PHACTR3: variants seen among roughly 807,000 people sequenced by gnomAD.
PHACTR3 encodes the protein phosphatase and actin regulator 3.
A neutral mutation model predicts 66.8 loss-of-function variants in PHACTR3; 16 were observed. The ratio of observed to expected loss-of-function variants is 0.24; its 90% confidence interval spans 0.16 to 0.36. The LOEUF is 0.36. PHACTR3 is among the 10% of genes least tolerant of loss of function. PHACTR3 has a pLI of 1.00. For synonymous variants in PHACTR3, 323 were observed against 292.1 expected, an observed-to-expected ratio of 1.11 and a Z score of -1.08; for missense variants, 647 against 719.9, an observed-to-expected ratio of 0.90 and a Z score of 1.16.
chr20:59,684,891 C>T (rs1210013702), intron 1 of PHACTR3, among the ~76,000 whole-genome samples: 2 of 152,170 alleles, frequency 1.3e-5, no homozygotes, highest in Non-Finnish European at 2.9e-5. Flanking sequence ...ATTCCATGGC[C>T]CAGCATGTCC....
chr20:59,696,408 C>T (rs1262484544), intron 1 of PHACTR3, among the ~76,000 whole-genome samples: 1 of 152,156 alleles, frequency 6.6e-6, no homozygotes, highest in East Asian at 1.9e-4. Flanking sequence ...AGAGTGGGGC[C>T]ATGAGTGACC....
intron 8 of PHACTR3, among the ~76,000 whole-genome samples, chr20:59,819,528 C>T (rs1206068245): frequency 2.0e-5 from 3 of 150,038 alleles, no homozygotes; most frequent in African/African-American, 7.4e-5. Flanking sequence ...AGATTGAGAC[C>T]CTGTCGTTAA....
chr20:59,599,924 C>T (rs1396775727), upstream of PHACTR3, among the ~76,000 whole-genome samples: 1 of 152,218 alleles, frequency 6.6e-6, no homozygotes, highest in East Asian at 1.9e-4. Flanking sequence ...TGTCCCTTCT[C>T]TGACAGCAGC....
intron 1 of PHACTR3, among the ~76,000 whole-genome samples, chr20:59,614,580 G>A (rs6026998): frequency 0.11 from 16,649 of 152,192 alleles, 1,227 homozygotes; most frequent in East Asian, 0.31. Context: ...CTGAGAAGAC[G>A]GGAGCTGTGG....
intron 1 of PHACTR3, among the ~76,000 whole-genome samples, chr20:59,587,738 AGCTGGGGCTGGAGCCGGG>A (rs1367231404): frequency 6.7e-5 from 10 of 149,946 alleles, no homozygotes; most frequent in Non-Finnish European, 1.0e-4. Flanking sequence ...TGTCAGCTGG[AGCTGGGGCTGGAGCCGGG>A]GCTGGGGCTG....
intron 7 of PHACTR3, among the ~76,000 whole-genome samples, chr20:59,783,478 A>G (rs2040801127): frequency 6.6e-6 from 1 of 151,102 alleles, no homozygotes; most frequent in Admixed American, 6.6e-5. Context: ...TTTCCCATCA[A>G]GTACCTTGAT....
chr20:59,678,225 C>T (rs1232688381), intron 1 of PHACTR3, among the ~76,000 whole-genome samples: 1 of 152,104 alleles, frequency 6.6e-6, no homozygotes, highest in Non-Finnish European at 1.5e-5. Flanking sequence ...ATATTATACA[C>T]CTTCAGCCCG....
intron 9 of PHACTR3, among the ~76,000 whole-genome samples, chr20:59,838,665 T>C (rs1047856451): frequency 7.2e-5 from 11 of 152,226 alleles, no homozygotes; most frequent in African/African-American, 2.7e-4. Flanking sequence ...CCTAACTCCA[T>C]TGCCCATCTT....
chr20:59,686,160 G>A (rs1200547944), intron 1 of PHACTR3, among the ~76,000 whole-genome samples: 1 of 152,116 alleles, frequency 6.6e-6, no homozygotes, highest in Admixed American at 6.5e-5. Flanking sequence ...ACCCTGCAAG[G>A]TATCCAGTTC....
chr20:59,751,649 C>G (rs1411527496), intron 3 of PHACTR3, among the ~76,000 whole-genome samples: 2 of 152,038 alleles, frequency 1.3e-5, no homozygotes, highest in Non-Finnish European at 2.9e-5. Flanking sequence ...ACTTTATGAT[C>G]GATGGTCTGT....
At chr20:59,819,020 G>A (rs981139148) in intron 8 of PHACTR3, among the ~76,000 whole-genome samples, 1 of 152,168 alleles carries the variant, frequency 6.6e-6, no homozygotes, top group African/African-American at 2.4e-5. Context: ...ACGTCTGGGG[G>A]CTTGGCCTAT....
chr20:59,608,070 G>C (rs897194618), intron 1 of PHACTR3, among the ~76,000 whole-genome samples: 1 of 152,160 alleles, frequency 6.6e-6, no homozygotes, highest in East Asian at 1.9e-4. Context: ...TAATCTATGA[G>C]AGTGCCCTTT....
intron 1 of PHACTR3, among the ~76,000 whole-genome samples, chr20:59,615,209 G>A (rs537395632): frequency 1.8e-4 from 28 of 152,240 alleles, no homozygotes; most frequent in Non-Finnish European, 2.9e-4. Flanking sequence ...AGAAATATGC[G>A]AAGAAACCAT....
intron 7 of PHACTR3, among the ~76,000 whole-genome samples, chr20:59,801,248 G>A (rs910062188): frequency 1.3e-5 from 2 of 152,092 alleles, no homozygotes; most frequent in African/African-American, 4.8e-5. Flanking sequence ...TTGTGGCCTG[G>A]CAACTCTCTA....
At chr20:59,582,957 C>A (rs540673818) in intron 1 of PHACTR3, among the ~76,000 whole-genome samples, 2 of 151,824 alleles carry the variant, frequency 1.3e-5, no homozygotes, top group East Asian at 3.9e-4. Flanking sequence ...CTTTTTGTGT[C>A]TTAAGAAACC....
At chr20:59,664,573 C>T (rs185763213) in intron 1 of PHACTR3, among the ~76,000 whole-genome samples, 1 of 152,320 alleles carries the variant, frequency 6.6e-6, no homozygotes, top group Admixed American at 6.5e-5. Context: ...TCTCCTACAC[C>T]TCCCTTCCCA....
chr20:59,608,449 C>T (rs1351702153), intron 1 of PHACTR3, among the ~76,000 whole-genome samples: 2 of 152,248 alleles, frequency 1.3e-5, no homozygotes, highest in Admixed American at 6.5e-5. Flanking sequence ...CCTGATCTTT[C>T]CTCCTTCAGA....
At chr20:59,580,057 G>A (rs1488176277) in intron 1 of PHACTR3, among the ~76,000 whole-genome samples, 2 of 152,122 alleles carry the variant, frequency 1.3e-5, no homozygotes, top group African/African-American at 2.4e-5. Flanking sequence ...AGCTTGGGGC[G>A]GTGGTTGTTC....
At chr20:59,586,042 G>A (rs1402807512) in intron 1 of PHACTR3, among the ~76,000 whole-genome samples, 1 of 152,118 alleles carries the variant, frequency 6.6e-6, no homozygotes, top group African/African-American at 2.4e-5. Flanking sequence ...AGGCCTGCCC[G>A]GACATCTTCT....
Sources: allele counts gnomAD v4.1 joint callset (sites outside exome capture counted in the v4.1 genomes callset), GRCh38; gene constraint gnomAD v4.1.1; transcripts MANE v1.5; gene names NCBI Gene and HGNC (gene_info 2026-07-23, HGNC 2026-07-21).